Variants in DENND1A observed in about 807,000 individuals in gnomAD.
DENND1A encodes the protein DENN domain-containing protein 1A.
DENND1A carries 51 observed loss-of-function variants against 113.7 expected under a neutral mutation model. That is an observed-to-expected ratio of 0.45 (90% CI 0.36 to 0.57). DENND1A has a LOEUF of 0.57. Ranked by LOEUF, DENND1A falls within the 20% of genes least tolerant of loss-of-function variation. The pLI, the probability that DENND1A is intolerant of heterozygous loss-of-function variation, is 0.00. For synonymous variants in DENND1A, 565 were observed against 570.8 expected (o/e 0.99, Z 0.14); for missense variants, 1,258 against 1,395.9 (o/e 0.90, Z 1.57).
At chr9:123,825,686 A>C (rs569876959) in intron 2 of DENND1A, among the ~76,000 whole-genome samples, 1 of 152,382 alleles carries the variant, frequency 6.6e-6, no homozygotes, top group African/African-American at 2.4e-5. Context: ...TAAAATGGTA[A>C]ATTGTATCTA....
intron 13 of DENND1A, among the ~76,000 whole-genome samples, chr9:123,507,102 T>C (rs989182329): frequency 6.6e-6 from 1 of 152,288 alleles, no homozygotes; most frequent in Admixed American, 6.5e-5. Flanking sequence ...GGCACGAGAA[T>C]AGCTTGAACC....
chr9:123,458,573 G>C lies in DENND1A; in HGVS notation c.994-676C>G, dbSNP rs141574893. 1.8e-4 allele frequency among the ~76,000 whole-genome samples: 28 copies of C among 152,242 alleles called. No individual in the cohort carries two copies. The East Asian group carries it at 4.8e-3, about 26-fold the overall frequency. On this transcript the variant is annotated intron_variant, in intron 13 of 23. Coordinates refer to ENST00000394215, the MANE Select transcript of DENND1A (RefSeq NM_001352964.2). Reference sequence around the variant, plus strand: ...CCTTCCGTACCCCAAGGGCTATTTAGGGAGACATGCCCTCCAATGTGAAGA... The same window carrying C: ...CCTTCCGTACCCCAAGGGCTATTTACGGAGACATGCCCTCCAATGTGAAGA...
intron 3 of DENND1A, among the ~76,000 whole-genome samples, chr9:123,782,645 G>A (rs1035009512): frequency 2.0e-5 from 3 of 152,150 alleles, no homozygotes; most frequent in African/African-American, 7.2e-5. Context: ...AATCTACCTG[G>A]GGGATGTAAA....
At chr9:123,478,893 C>T (rs1310513369) in intron 13 of DENND1A, among the ~76,000 whole-genome samples, 3 of 152,214 alleles carry the variant, frequency 2.0e-5, no homozygotes, top group Admixed American at 6.5e-5. Context: ...CCAAATGAGA[C>T]TTCGTGTTAA....
intron 5 of DENND1A, among the ~76,000 whole-genome samples, chr9:123,735,544 G>A (rs1046620075): frequency 2.6e-5 from 4 of 152,102 alleles, no homozygotes; most frequent in African/African-American, 9.7e-5. Flanking sequence ...TCCTCAGGTC[G>A]TCCGTGACAC....
At chr9:123,879,818 G>A (rs1471526769) in intron 1 of DENND1A, among the ~76,000 whole-genome samples, 1 of 152,168 alleles carries the variant, frequency 6.6e-6, no homozygotes, top group African/African-American at 2.4e-5. Flanking sequence ...GAGGAACAGT[G>A]TATCTCACTA....
chr9:123,437,670 G>A (rs2046626185), intron 19 of DENND1A: 1 of 152,104 alleles, frequency 6.6e-6, no homozygotes, highest in Admixed American at 6.5e-5. Context: ...GAGCTGGTGT[G>A]GGCTCGAGAG....
chr9:123,900,785 G>A (rs1329454878), intron 1 of DENND1A, among the ~76,000 whole-genome samples: 6 of 152,258 alleles, frequency 3.9e-5, no homozygotes, highest in East Asian at 1.9e-4. Flanking sequence ...ATAACATAAT[G>A]ATGTAAATTT....
intron 13 of DENND1A, among the ~76,000 whole-genome samples, chr9:123,525,800 G>A (rs1237655235): frequency 1.4e-5 from 2 of 140,762 alleles, no homozygotes; most frequent in African/African-American, 2.7e-5. Flanking sequence ...GCTCTGTGAC[G>A]TAGGCTGGAG....
At chr9:123,910,472 T>C (rs1306538322) in intron 1 of DENND1A, among the ~76,000 whole-genome samples, 1 of 152,188 alleles carries the variant, frequency 6.6e-6, no homozygotes, top group African/African-American at 2.4e-5. Context: ...TCATATGAAA[T>C]GGATCACATC....
chr9:123,917,495 T>C (rs1855374856), intron 1 of DENND1A, among the ~76,000 whole-genome samples: 1 of 152,244 alleles, frequency 6.6e-6, no homozygotes, highest in Middle Eastern at 3.4e-3. Context: ...AAAATTCCAA[T>C]GTAAAAGTGA....
intron 19 of DENND1A, among the ~76,000 whole-genome samples, chr9:123,417,842 C>T (rs567485206): frequency 4.6e-5 from 7 of 151,536 alleles, no homozygotes; most frequent in South Asian, 2.1e-4. Flanking sequence ...TGGTAGAGGG[C>T]GCTGTCATGC....
chr9:123,904,727 G>A (rs1457710397), intron 1 of DENND1A, among the ~76,000 whole-genome samples: 6 of 150,966 alleles, frequency 4.0e-5, no homozygotes, highest in South Asian at 2.1e-4. Context: ...CCAAATCTAC[G>A]CCTGATTGGT....
chr9:123,580,959 G>C (rs1014735349), intron 12 of DENND1A, among the ~76,000 whole-genome samples: 5 of 152,142 alleles, frequency 3.3e-5, no homozygotes, highest in African/African-American at 1.2e-4. Flanking sequence ...GGCAAGGCAC[G>C]TGCTCTCTGA....
intron 2 of DENND1A, among the ~76,000 whole-genome samples, chr9:123,836,835 G>A (rs954170090): frequency 1.3e-4 from 20 of 151,888 alleles, no homozygotes; most frequent in Admixed American, 1.3e-3. Context: ...TTCCCTTTCT[G>A]TTTCATTTAA....
intron 5 of DENND1A, among the ~76,000 whole-genome samples, chr9:123,737,848 T>C (rs2068688509): frequency 6.6e-6 from 1 of 152,220 alleles, no homozygotes; most frequent in Admixed American, 6.5e-5. Flanking sequence ...CAAATGTGAG[T>C]AAATGGACTG....
chr9:123,877,205 G>T (rs1017069340), intron 2 of DENND1A, among the ~76,000 whole-genome samples: 1 of 152,138 alleles, frequency 6.6e-6, no homozygotes, highest in African/African-American at 2.4e-5. Flanking sequence ...AAAAAATAAG[G>T]GCCAGGCGCG....
chr9:123,818,972 G>A (rs1178487108), intron 2 of DENND1A, among the ~76,000 whole-genome samples: 3 of 152,128 alleles, frequency 2.0e-5, no homozygotes, highest in African/African-American at 7.2e-5. Context: ...AGTGTCATCC[G>A]TAGGCCAGCA....
intron 5 of DENND1A, among the ~76,000 whole-genome samples, chr9:123,699,458 T>G (rs1339324448): frequency 6.6e-6 from 1 of 152,064 alleles, no homozygotes; most frequent in Admixed American, 6.5e-5. Context: ...GATGATGAAA[T>G]TAAAGGTAAT....
Sources: gnomAD v4.1 joint callset for allele counts (sites outside exome capture counted in the v4.1 genomes callset) on GRCh38, gnomAD v4.1.1 for gene constraint, MANE v1.5 for transcripts, NCBI Gene and HGNC (gene_info 2026-07-23, HGNC 2026-07-21) for gene names.